C10orf53: variants seen among roughly 807,000 people sequenced by gnomAD.
C10orf53 encodes chromosome 10 open reading frame 53, also known as UPF0728 protein C10orf53.
Under a neutral mutation model 9.4 loss-of-function variants are expected in C10orf53, and 8 were observed. The ratio of observed to expected loss-of-function variants is 0.85; its 90% CI spans 0.50 to 1.53. C10orf53 has a LOEUF of 1.53. Among genes scored for constraint, C10orf53 ranks in the 40% most tolerant of loss-of-function variants. The pLI, the probability that C10orf53 is intolerant of heterozygous loss-of-function variation, is 0.00. For missense variants in C10orf53, 117 were observed against 117.8 expected (o/e 0.99, Z 0.03); for synonymous variants, 48 against 46.0 (o/e 1.04, Z -0.18).
downstream of C10orf53, among the ~76,000 whole-genome samples, chr10:49,699,559 C>T (rs1018014738): frequency 1.6e-4 from 24 of 151,936 alleles, no homozygotes; most frequent in African/African-American, 3.4e-4. Flanking sequence ...ATTTGTAGCC[C>T]GTTACTGTGA....
At chr10:49,688,906 CCTT>C (rs1409417081) in intron 1 of C10orf53, among the ~76,000 whole-genome samples, 1 of 152,178 alleles carries the variant, frequency 6.6e-6, no homozygotes, top group Non-Finnish European at 1.5e-5. Context: ...TCCCTTCCCT[CCTT>C]ATTTCTTCTT....
chr10:49,694,782 G>A lies in C10orf53; in HGVS notation c.*180G>A. On this transcript the variant is annotated 3_prime_UTR_variant, in exon 3 of 3. Transcript: ENST00000374111. ...AGGATTGTCACCTGGCTGCACAGGA[G>A]CCCACAGAAATAATAAAAACCACAT... 2 of 1,403,984 alleles carry A rather than the reference G, an allele frequency of 1.4e-6. No individual in the cohort carries two copies. Among genetic ancestry groups the A allele is most frequent in the Non-Finnish European group, 1.8e-6 (2 of 1,081,902 alleles). 87.0% of individuals were successfully genotyped at this position (1,403,984 alleles called of 1,614,324 possible).
In C10orf53 at chr10:49,695,393, T is replaced by G. The variant is rs1840625457; in HGVS notation, c.*791T>G. On this transcript the variant is annotated 3_prime_UTR_variant, in exon 3 of 3. Coordinates refer to ENST00000374111, the MANE Select transcript of C10orf53 (RefSeq NM_001042427.3). Reference sequence around the variant, plus strand: ...CGCACCAATGTGTAGTATATATTCTTAACTATAGAGTAACAGAGAGGGGGA... The same window carrying G: ...CGCACCAATGTGTAGTATATATTCTGAACTATAGAGTAACAGAGAGGGGGA... 6.6e-6 allele frequency: 1 copy of G among 152,176 alleles called. No individual in the cohort carries two copies. Among genetic ancestry groups the G allele is most frequent in the Admixed American group, 6.5e-5 (1 of 15,284 alleles). The allele number at this position is 152,176 out of a possible 1,614,324, so 9.4% of individuals were successfully genotyped here.
downstream of C10orf53, among the ~76,000 whole-genome samples, chr10:49,698,108 C>G (rs976762406): frequency 6.6e-6 from 1 of 152,136 alleles, no homozygotes; most frequent in African/African-American, 2.4e-5. Flanking sequence ...CTGGGCAACA[C>G]AGTGAGACCT....
downstream of C10orf53, among the ~76,000 whole-genome samples, chr10:49,699,325 C>A (rs969671181): frequency 6.6e-6 from 1 of 150,472 alleles, no homozygotes; most frequent in Non-Finnish European, 1.5e-5. Context: ...TTCCGAATAG[C>A]TGAGACTACA....
rs944407739 is a variant in C10orf53, at chr10:49,696,141, A to G, written c.*1539A>G. ...TTCATCCATTTGAGATTTATGCACA[A>G]TTTTGTAAGTTTTTAAAAATTTTTC... On this transcript the variant is annotated 3_prime_UTR_variant, in exon 3 of 3. Coordinates refer to ENST00000374111, the MANE Select transcript of C10orf53 (RefSeq NM_001042427.3). 1 of 152,230 alleles carries G rather than the reference A, an allele frequency of 6.6e-6. No homozygotes were observed. Among genetic ancestry groups the G allele is most frequent in the South Asian group, 2.1e-4 (1 of 4,824 alleles). 9.4% of individuals were successfully genotyped at this position (152,230 alleles called of 1,614,324 possible). A position where few individuals can be genotyped will look rare whatever the true frequency, so the allele number is the denominator to read the frequency against.
chr10:49,679,925 A>G (rs1282329396), intron 1 of C10orf53, 131 bp downstream of exon 1: 1 of 839,430 alleles, frequency 1.2e-6, no homozygotes, highest in African/African-American at 1.8e-5. Flanking sequence ...CCCCAGGATG[A>G]TGTTGCAACC....
chr10:49,694,009 G>A, intron 2 of C10orf53, 116 bp downstream of exon 2: 1 of 1,456,968 alleles, frequency 6.9e-7, no homozygotes, highest in Non-Finnish European at 9.5e-7. Context: ...TTCTTTCTGA[G>A]TTTGAAACTT....
At chr10:49,693,922 GCAATTT>G in intron 2 of C10orf53, 29 bp downstream of exon 2, 1 of 1,614,154 alleles carries the variant, frequency 6.2e-7, no homozygotes, top group East Asian at 2.2e-5. Flanking sequence ...CTTCCAGCCA[GCAATTT>G]GCCTCCTCTG....
chr10:49,694,867 T>C lies in C10orf53; in HGVS notation c.*265T>C, dbSNP rs911873135. ...AGAGCCCTCCAATATCAGGTACACA[T>C]TGAGCTGAAGGAAACAATAAAATGC... On this transcript the variant is annotated 3_prime_UTR_variant, in exon 3 of 3. Coordinates refer to ENST00000374111, the MANE Select transcript of C10orf53 (RefSeq NM_001042427.3). 90 of 1,271,558 alleles carry C rather than the reference T, an allele frequency of 7.1e-5. No individual in the cohort carries two copies. The highest frequency in any genetic ancestry group is 4.3e-4 in the South Asian group (17 of 39,170). The allele number at this position is 1,271,558 out of a possible 1,614,324, so 78.8% of individuals were successfully genotyped here.
chr10:49,694,599 C>G lies in C10orf53; in HGVS notation c.279C>G (p.Tyr93Ter), dbSNP rs1395496444. The change falls in exon 3 of 3, where the codon TAC becomes TAG. Residue 93 changes from tyrosine (Y) to a stop codon, truncating the protein, a stop_gained. Coordinates refer to ENST00000374111, the MANE Select transcript of C10orf53 (RefSeq NM_001042427.3). LOFTEE classifies it high-confidence loss of function. ...EKARIAVLNA[Y>*] ...CCAGGATAGCCGTGCTGAATGCCTA[C>G]TGATCTCCTCATGGAACAGGCATCT... The G allele has an allele frequency of 6.2e-7, 1 of 1,614,250 alleles. No homozygotes were observed. The highest frequency in any genetic ancestry group is 8.5e-7 in the Non-Finnish European group (1 of 1,180,040).
rs543163731 is a variant in C10orf53 at position 49,693,904 on chromosome 10, T to C, written c.217+11T>C. 2 of 1,614,256 alleles carry C rather than the reference T, an allele frequency of 1.2e-6. No homozygotes were observed. The highest frequency in any genetic ancestry group is 1.7e-5 in the Admixed American group (1 of 60,034). The stretch of plus-strand genomic sequence containing the variant: ...AGGACTTGGAGTTCGGTAAGCCCTT[T>C]GGCGATGCTTCCAGCCAGCAATTTG... On this transcript the variant is annotated intron_variant, in intron 2 of 2. Coordinates refer to ENST00000374111, the MANE Select transcript of C10orf53 (RefSeq NM_001042427.3).
chr10:49,694,529 T>G lies in C10orf53; in HGVS notation c.218-9T>G. On this transcript the variant is annotated splice_polypyrimidine_tract_variant and intron_variant, in intron 2 of 2. Coordinates refer to ENST00000374111, the MANE Select transcript of C10orf53 (RefSeq NM_001042427.3). ...GCTAACCAAAAGACAATTATATCTG[T>G]TTCCCTAGGAGGCGATGGTAAACTA... 6.2e-7 allele frequency: 1 copy of G among 1,614,122 alleles called. No homozygotes were observed. The highest frequency in any genetic ancestry group is 8.5e-7 in the Non-Finnish European group (1 of 1,179,978).
intron 1 of C10orf53, among the ~76,000 whole-genome samples, chr10:49,688,581 G>C (rs1245602477): frequency 1.3e-5 from 2 of 151,126 alleles, no homozygotes; most frequent in African/African-American, 2.4e-5. Flanking sequence ...AGAAGCCAAA[G>C]GCTCACATGG....
At chr10:49,699,898 C>CT (rs997068114), downstream of C10orf53, among the ~76,000 whole-genome samples, 12 of 151,940 alleles carry the variant, frequency 7.9e-5, no homozygotes, top group African/African-American at 2.9e-4. Context: ...AGCTCATCCC[C>CT]CCCGAGATCA....
chr10:49,685,684 G>T (rs1230828040), intron 1 of C10orf53, among the ~76,000 whole-genome samples: 1 of 152,076 alleles, frequency 6.6e-6, no homozygotes, highest in Non-Finnish European at 1.5e-5. Context: ...GGCCTCCATG[G>T]ATTCTGATGA....
At position 49,693,816 on chromosome 10, in the gene C10orf53, T is replaced by G. The variant is rs147880636; in HGVS notation, c.140T>G (p.Ile47Arg). The G allele has an allele frequency of 2.4e-5, 39 of 1,613,944 alleles. No homozygotes were observed. In the African/African-American group the frequency reaches 4.9e-4, roughly 20 times the overall value. The change falls in exon 2 of 3, where the codon ATA (isoleucine) becomes AGA (arginine). Residue 47 changes from isoleucine (I) to arginine (R), a missense_variant. Ile to Arg is a moderately conservative substitution (Grantham distance 97). Transcript: ENST00000374111. ...IDGHEVILEK[I>R]EDWNVVELMV... ...GGACATGAGGTCATCCTAGAGAAGA[T>G]AGAAGACTGGAATGTGGTGGAACTC...
chr10:49,697,855 A>G (rs1347151537), downstream of C10orf53, among the ~76,000 whole-genome samples: 1 of 152,186 alleles, frequency 6.6e-6, no homozygotes, highest in East Asian at 1.9e-4. Context: ...GCCCTTAATT[A>G]TCTTTAAATG....
chr10:49,699,190 CTTTTTT>C (rs67695235), downstream of C10orf53, among the ~76,000 whole-genome samples: 2 of 64,868 alleles, frequency 3.1e-5, no homozygotes, highest in African/African-American at 6.9e-5. Context: ...GTGGCTCAAT[CTTTTTT>C]TTTTTTTTTT....
Sources: gnomAD v4.1 joint callset for allele counts (sites outside exome capture counted in the v4.1 genomes callset) on GRCh38, gnomAD v4.1.1 for gene constraint, MANE v1.5 for transcripts, NCBI Gene and HGNC (gene_info 2026-07-23, HGNC 2026-07-21) for gene names.